RANBP9: variants seen among roughly 807,000 people sequenced by gnomAD.
The protein encoded by RANBP9 is ran-binding protein 9.
RANBP9 carries 15 observed loss-of-function variants against 84.3 expected under a neutral mutation model. That is an observed-to-expected ratio of 0.18 (90% confidence interval 0.12 to 0.27). The LOEUF (loss-of-function observed/expected upper bound fraction) is 0.27, where lower values mean the gene tolerates loss of function less well. Among genes scored for constraint, RANBP9 ranks in the 10% least tolerant of loss-of-function variants. The probability of loss-of-function intolerance (pLI) is 1.00; values close to 1 mark genes in which losing one functional copy is unlikely to be tolerated. For synonymous variants in RANBP9, 392 were observed against 349.6 expected, an observed-to-expected ratio of 1.12 and a Z score of -1.35; for missense variants, 809 against 912.8, an observed-to-expected ratio of 0.89 and a Z score of 1.46.
At chr6:13,707,996 C>A (rs900675544) in intron 1 of RANBP9, among the ~76,000 whole-genome samples, 6 of 152,184 alleles carry the variant, frequency 3.9e-5, no homozygotes, top group African/African-American at 1.4e-4. Context: ...ACTATACATA[C>A]CCTGTTGTTC....
intron 2 of RANBP9, among the ~76,000 whole-genome samples, chr6:13,667,943 AC>A (rs1448305751): frequency 6.6e-6 from 1 of 152,146 alleles, no homozygotes. Flanking sequence ...TCCAATTTCT[AC>A]CATTAAGAAT....
intron 5 of RANBP9, among the ~76,000 whole-genome samples, chr6:13,650,773 G>A (rs1050075140): frequency 1.3e-5 from 2 of 152,018 alleles, no homozygotes; most frequent in Non-Finnish European, 1.5e-5. Flanking sequence ...CATCAGCCTC[G>A]GCAACCTGGC....
chr6:13,708,364 T>G (rs1202931861), intron 1 of RANBP9, among the ~76,000 whole-genome samples: 1 of 152,148 alleles, frequency 6.6e-6, no homozygotes, highest in African/African-American at 2.4e-5. Context: ...AGGTCTAGAC[T>G]GCAGTGAGCC....
chr6:13,652,441 T>G (rs933921495), intron 5 of RANBP9, among the ~76,000 whole-genome samples: 1 of 152,244 alleles, frequency 6.6e-6, no homozygotes, highest in Admixed American at 6.5e-5. Context: ...AATTCTGATT[T>G]ATTTTCCTTT....
chr6:13,685,678 C>A (rs1392854039), intron 2 of RANBP9, among the ~76,000 whole-genome samples: 1 of 151,924 alleles, frequency 6.6e-6, no homozygotes, highest in Non-Finnish European at 1.5e-5. Context: ...ACCTGTAATC[C>A]CAACACTTTG....
intron 1 of RANBP9, among the ~76,000 whole-genome samples, chr6:13,706,819 T>C (rs1404231318): frequency 6.6e-6 from 1 of 151,610 alleles, no homozygotes; most frequent in Admixed American, 6.6e-5. Context: ...CTGGCCAACA[T>C]GGTGAAACCC....
intron 12 of RANBP9, among the ~76,000 whole-genome samples, chr6:13,628,394 C>T (rs1160654455): frequency 6.6e-6 from 1 of 151,962 alleles, no homozygotes; most frequent in Non-Finnish European, 1.5e-5. Context: ...CAAACTCAGG[C>T]TGAGAGAAAG....
At chr6:13,658,758 T>A in intron 3 of RANBP9, 22 bp downstream of exon 3, 1 of 1,528,400 alleles carries the variant, frequency 6.5e-7, no homozygotes, top group Non-Finnish European at 9.1e-7. Flanking sequence ...GACATAATAC[T>A]GTAATTCAAT....
At chr6:13,686,817 T>C (rs1766201786) in intron 2 of RANBP9, among the ~76,000 whole-genome samples, 2 of 152,156 alleles carry the variant, frequency 1.3e-5, no homozygotes. Context: ...ATTCCTTACC[T>C]CTCTTTGACA....
intron 1 of RANBP9, among the ~76,000 whole-genome samples, 192 bp from the exon 2 acceptor site, chr6:13,697,088 A>C (rs1456422853): frequency 6.6e-6 from 1 of 152,148 alleles, no homozygotes; most frequent in Non-Finnish European, 1.5e-5. Flanking sequence ...TAACCACAGA[A>C]CTCTTCACAC....
chr6:13,696,849 G>T lies in RANBP9; in HGVS notation c.619C>A (p.Pro207Thr). 6.2e-7 allele frequency: 1 copy of T among 1,613,248 alleles called. No individual in the cohort carries two copies. The highest frequency in any genetic ancestry group is 8.5e-7 in the Non-Finnish European group (1 of 1,179,506). ...KDAASVRATHPIPAACGIYYF... is the reference protein window; with the variant it reads ...KDAASVRATHTIPAACGIYYF... ...TAAATCCCACAGGCTGCTGGTATTG[G>T]ATGCGTGGCTCGAACTGACGCGGCA... Residue 207 changes from proline (P) to threonine (T), a missense_variant, in exon 2 of 14, where the codon CCA becomes ACA. By Grantham distance (38) the Pro-to-Thr change is conservative (BLOSUM62 -1). This residue lies in a region of RANBP9 where 56 missense variants were observed against 88.2 expected (regional missense o/e 0.63). Transcript: ENST00000011619.
intron 10 of RANBP9, among the ~76,000 whole-genome samples, chr6:13,635,234 G>C (rs1423232529): frequency 6.6e-6 from 1 of 152,090 alleles, no homozygotes; most frequent in Non-Finnish European, 1.5e-5. Flanking sequence ...TGATGTCCTG[G>C]ATAGTTTCCA....
rs1765207458 is a variant in RANBP9, at chr6:13,647,828, A to AAGG, written c.928-3100_928-3099insCCT. ...GAAAAGTAAGTATAATTGTTATACCATTTACTCAACCTTAAAACTGGAGAA... is the reference window on the plus strand; with the variant it reads ...GAAAAGTAAGTATAATTGTTATACCAAGGTTTACTCAACCTTAAAACTGGAGAA... On this transcript the variant is annotated intron_variant, in intron 5 of 13. Transcript: ENST00000011619. Among the ~76,000 whole-genome samples, 3 of 152,298 alleles carry AAGG rather than the reference A, an allele frequency of 2.0e-5. No homozygotes were observed. In the South Asian group the frequency reaches 6.2e-4, roughly 32 times the overall value.
chr6:13,627,630 C>CAAAAAAAAAAAAAAAAA (rs35401168), intron 12 of RANBP9, among the ~76,000 whole-genome samples: 7 of 66,406 alleles, frequency 1.1e-4, no homozygotes, highest in Admixed American at 5.2e-4. Flanking sequence ...ACTCCATCTC[C>CAAAAAAAAAAAAAAAAA]AAAAAAAAAA....
At chr6:13,641,130 C>A in intron 8 of RANBP9, 69 bp downstream of exon 8, 2 of 1,019,230 alleles carry the variant, frequency 2.0e-6, no homozygotes, top group Middle Eastern at 3.2e-4. Context: ...ACGAAAATGT[C>A]TTTTATTACA....
intron 2 of RANBP9, among the ~76,000 whole-genome samples, chr6:13,683,011 G>A (rs1642677022): frequency 6.6e-6 from 1 of 152,184 alleles, no homozygotes; most frequent in Non-Finnish European, 1.5e-5. Flanking sequence ...CTGTATGTTT[G>A]TAAATGTTGG....
At chr6:13,687,360 C>A (rs1473434249) in intron 2 of RANBP9, among the ~76,000 whole-genome samples, 1 of 152,040 alleles carries the variant, frequency 6.6e-6, no homozygotes, top group Non-Finnish European at 1.5e-5. Context: ...TGATGGCTCA[C>A]AACTGTAATC....
At chr6:13,641,533 C>G (rs187781632) in intron 7 of RANBP9, among the ~76,000 whole-genome samples, 1 of 151,654 alleles carries the variant, frequency 6.6e-6, no homozygotes, top group Non-Finnish European at 1.5e-5. Flanking sequence ...TTTAAAATCA[C>G]GAACATACGA....
At chr6:13,686,637 C>T (rs1359467212) in intron 2 of RANBP9, among the ~76,000 whole-genome samples, 1 of 152,076 alleles carries the variant, frequency 6.6e-6, no homozygotes, top group Non-Finnish European at 1.5e-5. Context: ...CTACTGGGCT[C>T]AGGCAATCCT....
Sources: allele counts gnomAD v4.1 joint callset (sites outside exome capture counted in the v4.1 genomes callset), GRCh38; gene constraint gnomAD v4.1.1; regional missense constraint gnomAD v4.1.1; transcripts MANE v1.5; gene names NCBI Gene and HGNC (gene_info 2026-07-23, HGNC 2026-07-21).